The following EML6 variants were observed in gnomAD, a reference collection of about 807,000 sequenced individuals.
The protein encoded by EML6 is echinoderm microtubule-associated protein-like 6.
Under a neutral mutation model 240.1 loss-of-function variants are expected in EML6, and 154 were observed. The ratio of observed to expected loss-of-function variants is 0.64; its 90% CI spans 0.56 to 0.73. The LOEUF (loss-of-function observed/expected upper bound fraction) is 0.73, where lower values mean the gene tolerates loss of function less well. Among genes scored for constraint, EML6 ranks in the 30% least tolerant of loss-of-function variants. EML6 has a pLI of 0.00. For synonymous variants in EML6, 1,148 were observed against 899.0 expected (o/e 1.28, Z -4.95); for missense variants, 2,964 against 2,474.6 (o/e 1.20, Z -4.20).
chr2:54,823,780 T>C (rs183828094), intron 5 of EML6, among the ~76,000 whole-genome samples: 3 of 151,428 alleles, frequency 2.0e-5, no homozygotes, highest in East Asian at 3.9e-4. Context: ...TGATTTGTGA[T>C]TGTTTCCCTC....
intron 22 of EML6, among the ~76,000 whole-genome samples, chr2:54,900,637 C>A (rs1273329377): frequency 6.6e-6 from 1 of 152,286 alleles, no homozygotes; most frequent in African/African-American, 2.4e-5. Flanking sequence ...CGGGAGGCAG[C>A]CAGGGAAATA....
At chr2:54,902,262 CT>C (rs1673097549) in intron 22 of EML6, among the ~76,000 whole-genome samples, 1 of 152,194 alleles carries the variant, frequency 6.6e-6, no homozygotes, top group East Asian at 1.9e-4. Flanking sequence ...CCCTATACTC[CT>C]TTTCTCCATT....
At chr2:54,927,515 AAT>A (rs1301039588) in intron 26 of EML6, among the ~76,000 whole-genome samples, 7 of 152,122 alleles carry the variant, frequency 4.6e-5, no homozygotes, top group Non-Finnish European at 8.8e-5. Flanking sequence ...CATGTCTTTA[AAT>A]GGCTCCCGCT....
At chr2:54,921,162 G>A (rs1056474302) in intron 26 of EML6, among the ~76,000 whole-genome samples, 3 of 151,968 alleles carry the variant, frequency 2.0e-5, no homozygotes, top group Admixed American at 6.6e-5. Context: ...AAAGAAAGAT[G>A]TAAAATTATC....
intron 30 of EML6, among the ~76,000 whole-genome samples, chr2:54,952,305 C>T (rs1676022196): frequency 6.6e-6 from 1 of 152,162 alleles, no homozygotes; most frequent in South Asian, 2.1e-4. Context: ...AACCCCTGTA[C>T]TTGAACTGTG....
At chr2:54,781,235 A>G (rs918859274) in intron 2 of EML6, among the ~76,000 whole-genome samples, 8 of 152,326 alleles carry the variant, frequency 5.3e-5, no homozygotes, top group African/African-American at 1.7e-4. Flanking sequence ...GCAGGCTGGC[A>G]TAAGTGTTGA....
chr2:54,919,811 T>C (rs1483110515), intron 26 of EML6, among the ~76,000 whole-genome samples: 1 of 152,204 alleles, frequency 6.6e-6, no homozygotes, highest in Non-Finnish European at 1.5e-5. Context: ...TCAAGTTGTG[T>C]TCCTCAGACC....
chr2:54,836,572 T>C (rs1669155532), intron 7 of EML6, among the ~76,000 whole-genome samples: 1 of 152,140 alleles, frequency 6.6e-6, no homozygotes, highest in Admixed American at 6.5e-5. Flanking sequence ...GGGTCAGTGC[T>C]GAATGCCCAC....
At chr2:54,842,063 A>G (rs1669489687) in intron 7 of EML6, among the ~76,000 whole-genome samples, 1 of 151,892 alleles carries the variant, frequency 6.6e-6, no homozygotes, top group South Asian at 2.1e-4. Flanking sequence ...GGGTGAAGCT[A>G]CCTTGACGTG....
chr2:54,960,830 G>A (rs2104529360), intron 35 of EML6, among the ~76,000 whole-genome samples: 2 of 152,276 alleles, frequency 1.3e-5, no homozygotes, highest in South Asian at 4.1e-4. Flanking sequence ...GGGTTTTAAA[G>A]AATATGGATG....
intron 13 of EML6, among the ~76,000 whole-genome samples, chr2:54,864,339 A>G (rs1461822595): frequency 2.6e-5 from 4 of 152,208 alleles, no homozygotes; most frequent in Non-Finnish European, 5.9e-5. Context: ...TTATCCATTT[A>G]ATCAAAGTAA....
At chr2:54,831,749 G>T (rs992707949) in intron 7 of EML6, among the ~76,000 whole-genome samples, 1 of 152,058 alleles carries the variant, frequency 6.6e-6, no homozygotes, top group African/African-American at 2.4e-5. Context: ...TTAAAGGATG[G>T]TATAGATCAT....
chr2:54,807,117 T>C lies in EML6; in HGVS notation c.198-6115T>C, dbSNP rs1670539597. 2.6e-5 allele frequency among the ~76,000 whole-genome samples: 4 copies of C among 152,200 alleles called. No individual in the cohort carries two copies. The South Asian group carries it at 8.3e-4, about 32-fold the overall frequency. On this transcript the variant is annotated intron_variant, in intron 2 of 41. Transcript: ENST00000356458. ...AGAATGCTTTTATTGATTTTTTTTT[T>C]CCTCTTTTTCTAAACTCCTATATCT...
rs1288676069 is a variant in EML6, at chr2:54,829,418, A to G, written c.788A>G (p.Asp263Gly). 27 of 1,551,764 alleles carry G rather than the reference A, an allele frequency of 1.7e-5. No homozygotes were observed. The highest frequency in any genetic ancestry group is 2.4e-5 in the Non-Finnish European group (27 of 1,146,840). ...CGAGATGGGTGTATACGACTGTGGG[A>G]CACTGATTTCAAACCAATAACCAAA... ...GGRDGCIRLWDTDFKPITKID... is the reference protein window; with the variant it reads ...GGRDGCIRLWGTDFKPITKID... The change falls in exon 7 of 42, where the codon GAC becomes GGC. Residue 263 changes from aspartate to glycine, a missense_variant. Transcript: ENST00000356458.
intron 7 of EML6, among the ~76,000 whole-genome samples, chr2:54,842,998 C>G (rs1280185644): frequency 6.6e-6 from 1 of 152,174 alleles, no homozygotes; most frequent in African/African-American, 2.4e-5. Flanking sequence ...TAGGATATAT[C>G]TAGATTCTGA....
intron 28 of EML6, among the ~76,000 whole-genome samples, chr2:54,944,154 C>G (rs1199183492): frequency 6.6e-6 from 1 of 152,154 alleles, no homozygotes; most frequent in African/African-American, 2.4e-5. Flanking sequence ...CACCCATTGG[C>G]TAGTGATTCC....
At chr2:54,789,772 C>G (rs923713019) in intron 2 of EML6, among the ~76,000 whole-genome samples, 1 of 152,068 alleles carries the variant, frequency 6.6e-6, no homozygotes, top group African/African-American at 2.4e-5. Flanking sequence ...CAGACATGGT[C>G]CTAATAGGTA....
chr2:54,891,115 A>G lies in EML6; in HGVS notation c.2500A>G (p.Thr834Ala). ...CCCACACCATGTTGACAAACTGGTT[A>G]CAGTTGGGATAAAACACATCAAATT... is the stretch of plus-strand genomic sequence containing the variant. ...CNPHHVDKLV[T>A]VGIKHIKFWQ... The change falls in exon 18 of 42, where the codon ACA becomes GCA. Residue 834 changes from threonine (T) to alanine (A), a missense_variant. Coordinates refer to ENST00000356458, the MANE Select transcript of EML6 (RefSeq NM_001039753.4). 1 of 1,507,830 alleles carries G rather than the reference A, an allele frequency of 6.6e-7. No homozygotes were observed. Among genetic ancestry groups the G allele is most frequent in the Non-Finnish European group, 9.0e-7 (1 of 1,114,138 alleles). The allele number at this position is 1,507,830 out of a possible 1,614,324, so 93.4% of individuals were successfully genotyped here.
intron 7 of EML6, among the ~76,000 whole-genome samples, chr2:54,834,940 T>G (rs1054819189): frequency 1.3e-5 from 2 of 152,220 alleles, no homozygotes; most frequent in African/African-American, 4.8e-5. Flanking sequence ...ACATAATTGC[T>G]TTCCTCAAAA....
Sources: gnomAD v4.1 joint callset for allele counts (sites outside exome capture counted in the v4.1 genomes callset) on GRCh38, gnomAD v4.1.1 for gene constraint, MANE v1.5 for transcripts, NCBI Gene and HGNC (gene_info 2026-07-23, HGNC 2026-07-21) for gene names.